Variants in ZFHX3 observed in about 807,000 individuals in gnomAD.
The protein encoded by ZFHX3 is zinc finger homeobox protein 3.
ZFHX3 carries 42 observed loss-of-function variants against 279.1 expected under a neutral mutation model. The ratio of observed to expected loss-of-function variants is 0.15; its 90% confidence interval spans 0.12 to 0.19. ZFHX3 has a LOEUF of 0.19. Among genes scored for constraint, ZFHX3 ranks in the 10% least tolerant of loss-of-function variants. The probability of loss-of-function intolerance (pLI) is 1.00; values close to 1 mark genes in which losing one functional copy is unlikely to be tolerated. For missense variants in ZFHX3, 4,981 were observed against 4,754.0 expected (o/e 1.05, Z -1.40); for synonymous variants, 2,293 against 1,957.8 (o/e 1.17, Z -4.52).
At chr16:73,298,705 T>C (rs940226142) in intron 4 of ZFHX3, among the ~76,000 whole-genome samples, 3 of 152,168 alleles carry the variant, frequency 2.0e-5, no homozygotes, top group Non-Finnish European at 2.9e-5. Flanking sequence ...GATGGGCTTT[T>C]ACTGAGAATC....
At chr16:73,414,717 G>A (rs529602705) in intron 3 of ZFHX3, among the ~76,000 whole-genome samples, 1 of 152,232 alleles carries the variant, frequency 6.6e-6, no homozygotes, top group African/African-American at 2.4e-5. Flanking sequence ...ACGTGCCTAT[G>A]GTCCCAGCTG....
intron 1 of ZFHX3, among the ~76,000 whole-genome samples, chr16:73,711,531 G>A (rs1003424768): frequency 1.3e-5 from 2 of 152,114 alleles, no homozygotes; most frequent in Non-Finnish European, 2.9e-5. Flanking sequence ...CCATATGTTG[G>A]AGGTGACAGA....
chr16:72,930,236 A>C (rs1335328348), intron 3 of ZFHX3, among the ~76,000 whole-genome samples: 6 of 152,120 alleles, frequency 3.9e-5, no homozygotes, highest in Non-Finnish European at 8.8e-5. Flanking sequence ...AAATAAATAA[A>C]ATAAAATAAA....
intron 1 of ZFHX3, among the ~76,000 whole-genome samples, chr16:73,738,093 A>G (rs770014102): frequency 2.0e-5 from 3 of 152,220 alleles, no homozygotes; most frequent in Non-Finnish European, 2.9e-5. Context: ...AAAATAATTA[A>G]GCATCTATGG....
chr16:73,616,056 G>A (rs1377377902), intron 2 of ZFHX3, among the ~76,000 whole-genome samples: 1 of 152,054 alleles, frequency 6.6e-6, no homozygotes, highest in African/African-American at 2.4e-5. Flanking sequence ...TGGATTGAAA[G>A]ATCCGGAGGG....
chr16:73,393,680 C>T (rs1447202880), intron 3 of ZFHX3, among the ~76,000 whole-genome samples: 1 of 152,108 alleles, frequency 6.6e-6, no homozygotes, highest in Non-Finnish European at 1.5e-5. Context: ...AAGTTGGGAC[C>T]TAATCTCCAA....
chr16:73,661,541 C>T (rs1356180092), intron 2 of ZFHX3, among the ~76,000 whole-genome samples: 2 of 151,978 alleles, frequency 1.3e-5, no homozygotes, highest in East Asian at 1.9e-4. Flanking sequence ...CCCAACATGG[C>T]AAAACCCTGT....
chr16:73,647,367 G>A lies in ZFHX3; in HGVS notation c.-1547+32813C>T, dbSNP rs1014906260. On this transcript the variant is annotated intron_variant, in intron 2 of 17. Transcript: ENST00000641206. ...CATGGCAGATTGGAGCAGGGGTGTG[G>A]TGAGAGGTGGCTGGATCACGGGGGC... 2.0e-5 allele frequency among the ~76,000 whole-genome samples: 3 copies of A among 152,198 alleles called. No homozygotes were observed. In the East Asian group the frequency reaches 5.8e-4, roughly 29 times the overall value.
At chr16:73,281,598 G>C (rs1251645125) in intron 4 of ZFHX3, among the ~76,000 whole-genome samples, 1 of 152,134 alleles carries the variant, frequency 6.6e-6, no homozygotes, top group African/African-American at 2.4e-5. Flanking sequence ...ATTGCTAAGA[G>C]GGTACATCTT....
intron 1 of ZFHX3, among the ~76,000 whole-genome samples, chr16:73,879,439 C>G (rs2030070144): frequency 6.6e-6 from 1 of 151,990 alleles, no homozygotes; most frequent in Admixed American, 6.6e-5. Context: ...CCCACATTTC[C>G]ACCGGCATGT....
chr16:73,888,502 A>G (rs1475347727), intron 1 of ZFHX3, among the ~76,000 whole-genome samples: 1 of 152,228 alleles, frequency 6.6e-6, no homozygotes, highest in East Asian at 1.9e-4. Flanking sequence ...GAGAAAAGGT[A>G]AATAGGATTT....
At chr16:73,612,932 G>C (rs1159860) in intron 2 of ZFHX3, among the ~76,000 whole-genome samples, 1 of 151,528 alleles carries the variant, frequency 6.6e-6, no homozygotes, top group Admixed American at 6.6e-5. Flanking sequence ...GTTAAAAAAA[G>C]GAGGAGATGA....
intron 1 of ZFHX3, among the ~76,000 whole-genome samples, chr16:73,767,455 T>G (rs977292739): frequency 2.6e-5 from 4 of 152,170 alleles, no homozygotes; most frequent in Non-Finnish European, 5.9e-5. Context: ...ACATGAGAAT[T>G]ATAAGATTTG....
chr16:73,682,060 T>G (rs1215756994), intron 1 of ZFHX3, among the ~76,000 whole-genome samples: 1 of 152,206 alleles, frequency 6.6e-6, no homozygotes, highest in East Asian at 1.9e-4. Flanking sequence ...TAAAGGCTGA[T>G]ATTACATACA....
chr16:73,289,963 C>T (rs6564368), intron 4 of ZFHX3, among the ~76,000 whole-genome samples: 127,324 of 151,816 alleles, frequency 0.84, 53,450 homozygotes, highest in East Asian at 0.96. Flanking sequence ...GCCTCAATTC[C>T]AATATGAAGA....
chr16:73,450,874 G>C (rs1336318578), intron 3 of ZFHX3, among the ~76,000 whole-genome samples: 4 of 152,110 alleles, frequency 2.6e-5, no homozygotes, highest in Non-Finnish European at 5.9e-5. Context: ...TATTAATGTA[G>C]TGTATAGAGC....
intron 7 of ZFHX3, among the ~76,000 whole-genome samples, chr16:73,100,922 A>G (rs1173721878): frequency 6.6e-6 from 1 of 152,142 alleles, no homozygotes; most frequent in African/African-American, 2.4e-5. Flanking sequence ...CTAAGAAAGG[A>G]TTCTGAGAAT....
At chr16:73,459,404 C>A (rs929694394) in intron 2 of ZFHX3, among the ~76,000 whole-genome samples, 3 of 152,016 alleles carry the variant, frequency 2.0e-5, no homozygotes, top group African/African-American at 7.3e-5. Flanking sequence ...ATTATGTCGC[C>A]CAGGCTGAAG....
At chr16:73,263,904 C>T (rs1451196559) in intron 4 of ZFHX3, among the ~76,000 whole-genome samples, 5 of 152,324 alleles carry the variant, frequency 3.3e-5, no homozygotes, top group East Asian at 1.9e-4. Flanking sequence ...CAGTGGCTCA[C>T]GCCTGTAATC....
Sources: allele counts gnomAD v4.1 joint callset (sites outside exome capture counted in the v4.1 genomes callset), GRCh38; gene constraint gnomAD v4.1.1; transcripts MANE v1.5; gene names NCBI Gene and HGNC (gene_info 2026-07-23, HGNC 2026-07-21).